ZFPM2: variants seen among roughly 807,000 people sequenced by gnomAD.
The protein encoded by ZFPM2 is zinc finger protein ZFPM2.
ZFPM2 carries 20 observed loss-of-function variants against 98.6 expected under a neutral mutation model. The ratio of observed to expected loss-of-function variants is 0.20; its 90% CI spans 0.14 to 0.29. ZFPM2 has a LOEUF of 0.29. ZFPM2 is among the 10% of genes least tolerant of loss of function. The probability of loss-of-function intolerance (pLI) is 1.00; values close to 1 mark genes in which losing one functional copy is unlikely to be tolerated. For missense variants in ZFPM2, 1,310 were observed against 1,388.6 expected (o/e 0.94, Z 0.90); for synonymous variants, 518 against 502.7 (o/e 1.03, Z -0.41).
At chr8:105,715,063 A>G (rs146279869) in intron 5 of ZFPM2, among the ~76,000 whole-genome samples, 22 of 152,170 alleles carry the variant, frequency 1.4e-4, no homozygotes, top group African/African-American at 4.8e-4. Flanking sequence ...TGTTGTAACT[A>G]TACTTGTTTC....
Position 105,369,401 on chromosome 8 carries a change from AT to A in ZFPM2, c.41-49734del, listed in dbSNP as rs540854213. 5.0e-3 allele frequency among the ~76,000 whole-genome samples: 759 copies of A among 151,840 alleles called. 5 individuals carry two copies. Among genetic ancestry groups the A allele is most frequent in the African/African-American group, 0.015 (628 of 41,428 alleles). ...GTAGGAAAAAATGGTGAGGCTAAAAATTTTTTTTTAACTTGGGTAATACTAT... is the reference window on the plus strand; with the variant it reads ...GTAGGAAAAAATGGTGAGGCTAAAAATTTTTTTTAACTTGGGTAATACTAT... On this transcript the variant is annotated intron_variant, in intron 1 of 7. Transcript: ENST00000407775.
chr8:105,763,817 T>C (rs1812792252), intron 5 of ZFPM2, among the ~76,000 whole-genome samples: 1 of 151,782 alleles, frequency 6.6e-6, no homozygotes, highest in Non-Finnish European at 1.5e-5. Flanking sequence ...AGATCATAAG[T>C]GGGCTTGGTG....
chr8:105,579,283 G>C (rs1366561580), intron 4 of ZFPM2, among the ~76,000 whole-genome samples: 6 of 152,042 alleles, frequency 3.9e-5, no homozygotes, highest in African/African-American at 9.7e-5. Context: ...ATTTGTCATT[G>C]AGATTAAATA....
At chr8:105,733,785 C>A (rs1243625932) in intron 5 of ZFPM2, among the ~76,000 whole-genome samples, 1 of 151,856 alleles carries the variant, frequency 6.6e-6, no homozygotes, top group Non-Finnish European at 1.5e-5. Flanking sequence ...CTGTCACTTA[C>A]TGACTGTCAC....
chr8:105,508,146 T>C (rs1813740949), intron 3 of ZFPM2, among the ~76,000 whole-genome samples: 1 of 151,900 alleles, frequency 6.6e-6, no homozygotes, highest in Non-Finnish European at 1.5e-5. Flanking sequence ...TTTGAGAGAG[T>C]GTCCAGTTTC....
intron 3 of ZFPM2, among the ~76,000 whole-genome samples, chr8:105,447,533 G>C (rs1306917105): frequency 1.3e-5 from 2 of 152,022 alleles, no homozygotes; most frequent in Admixed American, 1.3e-4. Flanking sequence ...GAAAAGTTTT[G>C]TCATACTAAT....
At chr8:105,320,256 T>TTGTG (rs71305141) in intron 1 of ZFPM2, among the ~76,000 whole-genome samples, 10,438 of 142,218 alleles carry the variant, frequency 0.073, 354 homozygotes, top group African/African-American at 0.08. Context: ...ATTCAGATCT[T>TTGTG]TGTGTGTGTG....
intron 4 of ZFPM2, among the ~76,000 whole-genome samples, chr8:105,593,857 T>C (rs1012570906): frequency 4.3e-4 from 65 of 152,102 alleles, no homozygotes; most frequent in African/African-American, 1.5e-3. Context: ...TGAGCGGCTG[T>C]CAGTCTACAT....
At chr8:105,755,224 C>T (rs538013165) in intron 5 of ZFPM2, among the ~76,000 whole-genome samples, 17 of 152,174 alleles carry the variant, frequency 1.1e-4, no homozygotes, top group South Asian at 2.1e-4. Flanking sequence ...GATTTTCCAA[C>T]GCAAGTTTTG....
chr8:105,366,648 T>C (rs1341923050), intron 1 of ZFPM2, among the ~76,000 whole-genome samples: 1 of 149,660 alleles, frequency 6.7e-6, no homozygotes, highest in Non-Finnish European at 1.5e-5. Flanking sequence ...TAGGTGTATC[T>C]CCCAGTGCTA....
chr8:105,417,107 C>G (rs1811693651), intron 1 of ZFPM2, among the ~76,000 whole-genome samples: 1 of 151,550 alleles, frequency 6.6e-6, no homozygotes, highest in African/African-American at 2.4e-5. Context: ...TGTGATTGCA[C>G]CTCTGCATGC....
At chr8:105,398,243 T>C (rs1249803432) in intron 1 of ZFPM2, among the ~76,000 whole-genome samples, 1 of 151,420 alleles carries the variant, frequency 6.6e-6, no homozygotes, top group African/African-American at 2.5e-5. Context: ...ATCATATTGT[T>C]AGTTTTTCAT....
At chr8:105,725,180 C>A (rs1387178078) in intron 5 of ZFPM2, among the ~76,000 whole-genome samples, 1 of 151,708 alleles carries the variant, frequency 6.6e-6, no homozygotes, top group African/African-American at 2.4e-5. Context: ...TTTGCTTTTC[C>A]AATCAGTTTC....
chr8:105,511,856 G>T (rs1441990651), intron 3 of ZFPM2, among the ~76,000 whole-genome samples: 3 of 152,058 alleles, frequency 2.0e-5, no homozygotes, highest in Non-Finnish European at 4.4e-5. Context: ...CTTATAAAAG[G>T]CACCACAGGT....
chr8:105,700,443 A>G (rs1341831377), intron 5 of ZFPM2, among the ~76,000 whole-genome samples: 1 of 152,208 alleles, frequency 6.6e-6, no homozygotes, highest in Non-Finnish European at 1.5e-5. Flanking sequence ...AATACATATT[A>G]GATACCTGCT....
rs1216813902 is a variant in ZFPM2, at chr8:105,515,954, G to A, written c.302-45409G>A. Among the ~76,000 whole-genome samples, 12 of 113,064 alleles carry A rather than the reference G, an allele frequency of 1.1e-4. No individual in the cohort carries two copies. In the Admixed American group the frequency reaches 1.5e-3, roughly 14 times the overall value. 74.2% of individuals were successfully genotyped at this position (113,064 alleles called of 152,430 possible). On this transcript the variant is annotated intron_variant, in intron 3 of 7. Transcript: ENST00000407775. ...TTTTTTGAGATGGAGTTTTGCTCTC[G>A]TTGCCCAGGCTGCAGTGCAGTGGCG...
chr8:105,351,341 A>G (rs921662052), intron 1 of ZFPM2, among the ~76,000 whole-genome samples: 8 of 145,848 alleles, frequency 5.5e-5, no homozygotes, highest in African/African-American at 2.0e-4. Flanking sequence ...TCTCTTTTAT[A>G]GTTGCATTAT....
intron 3 of ZFPM2, among the ~76,000 whole-genome samples, chr8:105,466,933 A>G (rs746784438): frequency 8.5e-5 from 13 of 152,106 alleles, no homozygotes; most frequent in Non-Finnish European, 1.8e-4. Flanking sequence ...TCCTGTTTCA[A>G]CATTTGATTA....
At chr8:105,475,563 C>A (rs1008663897) in intron 3 of ZFPM2, among the ~76,000 whole-genome samples, 10 of 152,034 alleles carry the variant, frequency 6.6e-5, no homozygotes, top group African/African-American at 2.2e-4. Flanking sequence ...TTTGCAAATG[C>A]CAAAAGATTT....
Sources: allele counts gnomAD v4.1 joint callset (sites outside exome capture counted in the v4.1 genomes callset), GRCh38; gene constraint gnomAD v4.1.1; transcripts MANE v1.5; gene names NCBI Gene and HGNC (gene_info 2026-07-23, HGNC 2026-07-21).